CFAP95: variants seen among roughly 807,000 people sequenced by gnomAD.
CFAP95 encodes cilia and flagella associated protein 95.
At chr9:69,888,061 G>A in the CFAP95 span, among the ~76,000 whole-genome samples, 1,481 of 152,228 alleles carry the variant, frequency 9.7e-3, 26 homozygotes, top group African/African-American at 0.034. Context: ...AAAAGGAATA[G>A]CTACCATTTT....
At chr9:69,857,972 C>T in the CFAP95 span, 2 of 1,613,700 alleles carry the variant, frequency 1.2e-6, no homozygotes, top group African/African-American at 1.3e-5. Flanking sequence ...CGGATTGGAG[C>T]AAAATGTTAG....
the CFAP95 span, among the ~76,000 whole-genome samples, chr9:69,826,538 CT>C: frequency 7.2e-5 from 11 of 152,184 alleles, no homozygotes; most frequent in African/African-American, 2.7e-4. Context: ...ATGCTGCAGC[CT>C]GTCTTTTTGC....
the CFAP95 span, among the ~76,000 whole-genome samples, chr9:69,865,421 C>T: frequency 6.6e-6 from 1 of 152,056 alleles, no homozygotes; most frequent in African/African-American, 2.4e-5. Flanking sequence ...CTTGATTCTC[C>T]ATCTTATTCA....
the CFAP95 span, among the ~76,000 whole-genome samples, chr9:69,854,280 G>C: frequency 4.6e-5 from 7 of 152,184 alleles, no homozygotes; most frequent in Non-Finnish European, 8.8e-5. Context: ...GTTGTCACAA[G>C]CATTTAATGT....
the CFAP95 span, among the ~76,000 whole-genome samples, chr9:69,843,254 G>A: frequency 2.0e-5 from 3 of 151,810 alleles, no homozygotes; most frequent in African/African-American, 4.8e-5. Flanking sequence ...TTGAATTCTC[G>A]GGTACTTGAG....
chr9:69,840,889 C>T, the CFAP95 span, among the ~76,000 whole-genome samples: 1 of 151,812 alleles, frequency 6.6e-6, no homozygotes, highest in African/African-American at 2.4e-5. Context: ...TAGCTCAGTC[C>T]CCCAAAGAAA....
At chr9:69,902,633 G>T in the CFAP95 span, among the ~76,000 whole-genome samples, 1 of 151,636 alleles carries the variant, frequency 6.6e-6, no homozygotes, top group Non-Finnish European at 1.5e-5. Flanking sequence ...TTGGTTCTGA[G>T]CTGCAGTCAA....
the CFAP95 span, among the ~76,000 whole-genome samples, chr9:69,856,326 T>G: frequency 2.0e-5 from 3 of 152,242 alleles, no homozygotes; most frequent in Non-Finnish European, 4.4e-5. Context: ...CAGTTCTTTC[T>G]GTTTCATAGA....
the CFAP95 span, among the ~76,000 whole-genome samples, chr9:69,827,341 A>T: frequency 6.6e-6 from 1 of 152,258 alleles, no homozygotes; most frequent in Non-Finnish European, 1.5e-5. Flanking sequence ...ATATGCACAC[A>T]ACTCAGATGC....
the CFAP95 span, among the ~76,000 whole-genome samples, chr9:69,895,273 A>G: frequency 6.6e-6 from 1 of 152,100 alleles, no homozygotes; most frequent in Non-Finnish European, 1.5e-5. Flanking sequence ...ATTGTAACAT[A>G]GAAATCCTTC....
At chr9:69,825,662 A>T in the CFAP95 span, among the ~76,000 whole-genome samples, 2 of 152,166 alleles carry the variant, frequency 1.3e-5, no homozygotes, top group African/African-American at 4.8e-5. Flanking sequence ...ACTAAGGGGA[A>T]ATATTTTCTG....
At chr9:69,835,794 G>A in the CFAP95 span, among the ~76,000 whole-genome samples, 2 of 152,122 alleles carry the variant, frequency 1.3e-5, no homozygotes, top group African/African-American at 4.8e-5. Context: ...TGAAAGGTGC[G>A]GCAGTGACAA....
At chr9:69,883,822 TA>T in the CFAP95 span, among the ~76,000 whole-genome samples, 4,067 of 43,634 alleles carry the variant, frequency 0.093, 141 homozygotes, top group African/African-American at 0.17. Context: ...TTTATTTTTT[TA>T]AAAAAAAACA....
the CFAP95 span, among the ~76,000 whole-genome samples, chr9:69,827,867 C>T: frequency 6.6e-6 from 1 of 152,150 alleles, no homozygotes; most frequent in Non-Finnish European, 1.5e-5. Flanking sequence ...AACATGGTGG[C>T]GTGCAGCTGG....
the CFAP95 span, among the ~76,000 whole-genome samples, chr9:69,860,810 C>T: frequency 6.6e-5 from 10 of 152,068 alleles, no homozygotes; most frequent in South Asian, 2.1e-4. Flanking sequence ...ACACAGGGTC[C>T]GGATCATCAA....
the CFAP95 span, among the ~76,000 whole-genome samples, chr9:69,824,840 C>A: frequency 1.3e-5 from 2 of 152,136 alleles, no homozygotes; most frequent in Non-Finnish European, 2.9e-5. Context: ...AGAAACCTAA[C>A]CTTGTATTTC....
the CFAP95 span, among the ~76,000 whole-genome samples, chr9:69,854,713 A>G: frequency 6.6e-6 from 1 of 152,210 alleles, no homozygotes; most frequent in African/African-American, 2.4e-5. Context: ...GGGTGGGCCC[A>G]TGGGAGGCAC....
chr9:69,887,116 A>G, the CFAP95 span, among the ~76,000 whole-genome samples: 1 of 152,222 alleles, frequency 6.6e-6, no homozygotes, highest in Non-Finnish European at 1.5e-5. Flanking sequence ...TGCCGTATCT[A>G]AAGTATATTA....
the CFAP95 span, among the ~76,000 whole-genome samples, chr9:69,851,220 C>T: frequency 1.2e-4 from 18 of 152,132 alleles, no homozygotes; most frequent in African/African-American, 2.2e-4. Flanking sequence ...CACACCCGCA[C>T]GCACAAACAT....
Sources: gnomAD v4.1 joint callset for allele counts (sites outside exome capture counted in the v4.1 genomes callset) on GRCh38, gnomAD v4.1.1 for gene constraint, MANE v1.5 for transcripts, NCBI Gene and HGNC (gene_info 2026-07-23, HGNC 2026-07-21) for gene names.